The following CR2 variants were observed in gnomAD, a reference collection of about 807,000 sequenced individuals.
CR2 encodes complement receptor type 2.
In CR2, 96 loss-of-function variants were observed where a neutral mutation model predicts 123.0. The observed-to-expected ratio is 0.78, with a 90% CI of 0.66 to 0.93. The LOEUF (loss-of-function observed/expected upper bound fraction) is 0.93. CR2 is among the 40% of genes least tolerant of loss of function. CR2 has a pLI of 0.00. For missense variants in CR2, 1,258 were observed against 1,361.0 expected (o/e 0.92, Z 1.19); for synonymous variants, 484 against 469.5 (o/e 1.03, Z -0.40).
intron 1 of CR2, among the ~76,000 whole-genome samples, chr1:207,463,788 A>G (rs776821847): frequency 1.3e-5 from 2 of 152,158 alleles, no homozygotes; most frequent in Non-Finnish European, 2.9e-5. Flanking sequence ...ATCTCAGACA[A>G]TATTGTAACC....
chr1:207,471,238 TA>T (rs1558191768), intron 8 of CR2, 151 bp downstream of exon 8: 9 of 927,910 alleles, frequency 9.7e-6, no homozygotes, highest in Non-Finnish European at 1.1e-5. Flanking sequence ...TGGAAGTGTC[TA>T]TCATACTATT....
chr1:207,486,006 A>C (rs1342695125), intron 19 of CR2, among the ~76,000 whole-genome samples: 1 of 151,862 alleles, frequency 6.6e-6, no homozygotes, highest in Non-Finnish European at 1.5e-5. Flanking sequence ...TGAGGCAGGC[A>C]GATCATTTGA....
intron 1 of CR2, among the ~76,000 whole-genome samples, chr1:207,456,772 C>T (rs1008370262): frequency 5.9e-5 from 9 of 152,150 alleles, no homozygotes; most frequent in Admixed American, 4.6e-4. Flanking sequence ...GAGGCCTTCC[C>T]GTCACATTAG....
Position 207,469,010 on chromosome 1 carries a change from G to A in CR2, c.734+111G>A. On this transcript the variant is annotated intron_variant, in intron 4 of 19. Transcript: ENST00000367057. ...TGTGAGGATCTCTGGGCAGTCTGGG[G>A]TAGGGTTGTGAGAGGTAATGCTGAT... 5.0e-6 allele frequency: 7 copies of A among 1,401,340 alleles called. No individual in the cohort carries two copies. In the South Asian group the frequency reaches 5.8e-5, roughly 12 times the overall value. The allele number at this position is 1,401,340 out of a possible 1,614,324, so 86.8% of individuals were successfully genotyped here.
intron 18 of CR2, among the ~76,000 whole-genome samples, chr1:207,482,675 G>T (rs1658637207): frequency 6.6e-6 from 1 of 152,152 alleles, no homozygotes; most frequent in African/African-American, 2.4e-5. Flanking sequence ...TGGATTATAT[G>T]ATATTTGGTG....
chr1:207,470,883 G>T lies in CR2; in HGVS notation c.1369G>T (p.Gly457Trp). The T allele has an allele frequency of 6.2e-7, 1 of 1,613,808 alleles. No homozygotes were observed. Among genetic ancestry groups the T allele is most frequent in the Non-Finnish European group, 8.5e-7 (1 of 1,179,860 alleles). Residue 457 changes from glycine to tryptophan, a missense_variant, in exon 7 of 20, where the codon GGG (glycine) becomes TGG (tryptophan). Physicochemically the swap from Gly to Trp is radical, Grantham distance 184. Transcript: ENST00000367057. ...GEESIQCTSE[G>W]VWTPPVPQCK... is the part of the protein sequence containing the mutation. ...AGAATCCATACAGTGTACCTCTGAG[G>T]GGGTGTGGACACCCCCTGTACCCCA... is the stretch of plus-strand genomic sequence containing the variant.
chr1:207,461,437 A>G (rs1040791343), intron 1 of CR2, among the ~76,000 whole-genome samples: 4 of 152,184 alleles, frequency 2.6e-5, no homozygotes, highest in Non-Finnish European at 5.9e-5. Context: ...ATTTCTGTGT[A>G]TATTCACCCT....
At position 207,477,909 on chromosome 1, in the gene CR2, A is replaced by C. The variant is rs1392502734; in HGVS notation, c.2927A>C (p.Asp976Ala). The C allele has an allele frequency of 4.3e-6, 7 of 1,613,932 alleles. No individual in the cohort carries two copies. The Admixed American group carries it at 1.2e-4, about 27-fold the overall frequency. The change falls in exon 16 of 20, where the codon GAT becomes GCT. Residue 976 changes from aspartate (D) to alanine (A), a missense_variant. Coordinates refer to ENST00000367057, the MANE Select transcript of CR2 (RefSeq NM_001006658.3). Reference protein sequence around the residue: ...CKEVNCSSPADMDGIQKGLEP... With the variant: ...CKEVNCSSPAAMDGIQKGLEP... ...GAGGTAAACTGTAGCTCACCAGCAG[A>C]TATGGATGGAATCCAGAAAGGGCTG...
At chr1:207,457,818 G>A (rs1657870617) in intron 1 of CR2, among the ~76,000 whole-genome samples, 1 of 151,810 alleles carries the variant, frequency 6.6e-6, no homozygotes, top group Non-Finnish European at 1.5e-5. Context: ...GAGGGTCTTG[G>A]GGCTCAGCCC....
chr1:207,479,647 A>G (rs4317805), intron 17 of CR2, among the ~76,000 whole-genome samples: 142,970 of 152,288 alleles, frequency 0.94, 67,236 homozygotes, highest in East Asian at 1. Flanking sequence ...TGTCCTGTGC[A>G]CCTAATTTCT....
At chr1:207,484,409 T>C (rs1431573172) in intron 18 of CR2, among the ~76,000 whole-genome samples, 1 of 152,246 alleles carries the variant, frequency 6.6e-6, no homozygotes, top group Non-Finnish European at 1.5e-5. Flanking sequence ...AATGCTTTTT[T>C]AAATGAGATG....
Position 207,470,748 on chromosome 1 carries a change from G to A in CR2, c.1234G>A (p.Ala412Thr), listed in dbSNP as rs2102304136. 6.2e-7 allele frequency: 1 copy of A among 1,613,744 alleles called. No homozygotes were observed. The highest frequency in any genetic ancestry group is 2.2e-5 in the East Asian group (1 of 44,860). The change falls in exon 7 of 20, where the codon GCC (alanine) becomes ACC (threonine). Residue 412 changes from alanine to threonine, a missense_variant. Coordinates refer to ENST00000367057, the MANE Select transcript of CR2 (RefSeq NM_001006658.3). ...TTTGTCCTTTCATTTAGAATGCCAG[G>A]CCCCTCCTAACATCCTCAATGGGCA... The part of the protein sequence containing the change: ...SAPVCEKECQ[A>T]PPNILNGQKE...
intron 13 of CR2, 127 bp from the exon 14 acceptor site, chr1:207,474,697 T>C: frequency 1.9e-6 from 2 of 1,047,108 alleles, no homozygotes; most frequent in Non-Finnish European, 2.9e-6. Flanking sequence ...TAATCCATAT[T>C]CCAAAATTTA....
In CR2 at chr1:207,476,271, CG is replaced by C; in HGVS notation, c.2757del (p.Asn920ThrfsTer7). 1 of 1,613,854 alleles carries C rather than the reference CG, an allele frequency of 6.2e-7. No individual in the cohort carries two copies. Among genetic ancestry groups the C allele is most frequent in the Non-Finnish European group, 8.5e-7 (1 of 1,179,854 alleles). The stretch of plus-strand genomic sequence containing the variant: ...GTCCACCTCCGCCTAAGACCCCTAA[CG>C]GGAACCATACTGGTGGAAACATAGC... ...GCPPPPKTPN[G>X]NHTGGNIARF... On this transcript the variant is annotated frameshift_variant, in exon 15 of 20. Coordinates refer to ENST00000367057, the MANE Select transcript of CR2 (RefSeq NM_001006658.3). LOFTEE classifies it high-confidence loss of function.
chr1:207,485,122 A>G (rs1032779161), intron 18 of CR2, among the ~76,000 whole-genome samples: 5 of 152,224 alleles, frequency 3.3e-5, no homozygotes, highest in African/African-American at 1.2e-4. Flanking sequence ...TCACTTGTAA[A>G]TGAAAGTTGA....
At chr1:207,478,525 C>CAAAAAAAAAAAAAAAAAAAAAAAAAAAAA (rs36116544) in intron 16 of CR2, among the ~76,000 whole-genome samples, 6 of 58,736 alleles carry the variant, frequency 1.0e-4, no homozygotes, top group African/African-American at 1.2e-4. Context: ...AAGACCCTAT[C>CAAAAAAAAAAAAAAAAAAAAAAAAAAAAA]AAAAAAAAAA....
chr1:207,460,274 A>G (rs971164558), intron 1 of CR2, among the ~76,000 whole-genome samples: 4 of 152,172 alleles, frequency 2.6e-5, no homozygotes, highest in Non-Finnish European at 5.9e-5. Context: ...TTGTTAATGG[A>G]GAAAACTAAA....
Position 207,470,810 on chromosome 1 carries a change from A to G in CR2, c.1296A>G (p.Gly432=). Residue 432 remains glycine (G), a synonymous_variant, in exon 7 of 20, where the codon GGA becomes GGG. Coordinates refer to ENST00000367057, the MANE Select transcript of CR2 (RefSeq NM_001006658.3). The part of the protein sequence containing the change: ...EDRHMVRFDP[G]TSIKYSCNPG... Reference sequence around the variant, plus strand: ...GACACATGGTCCGCTTTGACCCTGGAACATCTATAAAATATAGCTGTAACC... The same window carrying G: ...GACACATGGTCCGCTTTGACCCTGGGACATCTATAAAATATAGCTGTAACC... 6.2e-7 allele frequency: 1 copy of G among 1,613,850 alleles called. No individual in the cohort carries two copies. Among genetic ancestry groups the G allele is most frequent in the Non-Finnish European group, 8.5e-7 (1 of 1,179,810 alleles).
chr1:207,457,880 G>T (rs559684665), intron 1 of CR2, among the ~76,000 whole-genome samples: 1 of 152,010 alleles, frequency 6.6e-6, no homozygotes, highest in African/African-American at 2.4e-5. Context: ...AACTCATCTT[G>T]TCTCATGGCT....
Sources: allele counts gnomAD v4.1 joint callset (sites outside exome capture counted in the v4.1 genomes callset), GRCh38; gene constraint gnomAD v4.1.1; transcripts MANE v1.5; gene names NCBI Gene and HGNC (gene_info 2026-07-23, HGNC 2026-07-21).